The following SGCZ variants were observed in gnomAD, a reference collection of about 807,000 sequenced individuals.
SGCZ encodes the protein zeta-sarcoglycan.
A neutral mutation model predicts 41.3 loss-of-function variants in SGCZ; 40 were observed. The ratio of observed to expected loss-of-function variants is 0.97; its 90% CI spans 0.75 to 1.26. SGCZ has a LOEUF of 1.26. Ranked by LOEUF, SGCZ falls within the 50% of genes most tolerant of loss-of-function variation. The pLI is 0.00. For missense variants in SGCZ, 552 were observed against 369.8 expected, an observed-to-expected ratio of 1.49 and a Z score of -4.04; for synonymous variants, 206 against 137.5, an observed-to-expected ratio of 1.50 and a Z score of -3.49.
intron 2 of SGCZ, among the ~76,000 whole-genome samples, chr8:14,432,914 C>CAAAAA (rs767979164): frequency 2.6e-5 from 2 of 75,632 alleles, no homozygotes; most frequent in African/African-American, 6.2e-5. Flanking sequence ...ACTGTGTCTC[C>CAAAAA]AAAAAAAAAA....
rs373288149 is a variant in SGCZ, at chr8:15,196,188, C to T, written c.39+41397G>A. ...CTGGGATTACAGGCGTGAGCCACCG[C>T]GCCCGGCCAGGCTTCGATTTTTTAA... On this transcript the variant is annotated intron_variant, in intron 1 of 7. Transcript: ENST00000382080. 2.0e-4 allele frequency among the ~76,000 whole-genome samples: 27 copies of T among 134,158 alleles called. 2 individuals carry two copies. Among genetic ancestry groups the T allele is most frequent in the Admixed American group, 1.2e-3 (16 of 13,642 alleles). The allele number at this position is 134,158 out of a possible 152,430, so 88.0% of individuals were successfully genotyped here. A position where few individuals can be genotyped will look rare whatever the true frequency, so the allele number is the denominator to read the frequency against.
rs141565938 is a variant in SGCZ at position 14,302,844 on chromosome 8, G to A, written c.336+21259C>T. ...GTATCCTAAATACAATTCTGATGAC[G>A]TCACTTAAATGCTCAAAAGAGGGCT... is the stretch of plus-strand genomic sequence containing the variant. On this transcript the variant is annotated intron_variant, in intron 3 of 7. Coordinates refer to ENST00000382080, the MANE Select transcript of SGCZ (RefSeq NM_139167.4). 1.7e-4 allele frequency among the ~76,000 whole-genome samples: 26 copies of A among 152,212 alleles called. No homozygotes were observed. In the East Asian group the frequency reaches 3.7e-3, roughly 21 times the overall value.
rs532433734 is a variant in SGCZ at position 14,296,427 on chromosome 8, A to G, written c.336+27676T>C. 2.0e-5 allele frequency among the ~76,000 whole-genome samples: 3 copies of G among 152,334 alleles called. No homozygotes were observed. The East Asian group carries it at 5.8e-4, about 29-fold the overall frequency. On this transcript the variant is annotated intron_variant, in intron 3 of 7. Transcript: ENST00000382080. ...GGTTTGGATTTATATGAAGGATTAAAGTATGTCACATTTAGTAAATATTTG... is the reference window on the plus strand; with the variant it reads ...GGTTTGGATTTATATGAAGGATTAAGGTATGTCACATTTAGTAAATATTTG...
At chr8:14,887,606 A>C (rs905780700) in intron 1 of SGCZ, among the ~76,000 whole-genome samples, 1 of 152,206 alleles carries the variant, frequency 6.6e-6, no homozygotes, top group Non-Finnish European at 1.5e-5. Flanking sequence ...ATAAACACAC[A>C]TACACAATCA....
At chr8:14,261,040 A>G (rs1301654122) in intron 3 of SGCZ, among the ~76,000 whole-genome samples, 1 of 152,194 alleles carries the variant, frequency 6.6e-6, no homozygotes, top group Non-Finnish European at 1.5e-5. Context: ...TGGCACATGT[A>G]TACGTATGTA....
chr8:14,284,297 G>A (rs969918234), intron 3 of SGCZ, among the ~76,000 whole-genome samples: 1 of 152,210 alleles, frequency 6.6e-6, no homozygotes, highest in Non-Finnish European at 1.5e-5. Context: ...GGAGGCTGAG[G>A]TGGGAGGATG....
chr8:14,505,949 C>T (rs1475130357), intron 2 of SGCZ, among the ~76,000 whole-genome samples: 1 of 152,144 alleles, frequency 6.6e-6, no homozygotes, highest in African/African-American at 2.4e-5. Flanking sequence ...GACATTTACT[C>T]TCTCATGTGC....
At chr8:14,379,783 G>A (rs1335229738) in intron 2 of SGCZ, among the ~76,000 whole-genome samples, 2 of 152,096 alleles carry the variant, frequency 1.3e-5, no homozygotes, top group Non-Finnish European at 2.9e-5. Flanking sequence ...CCAGGCTGGA[G>A]TACAGTGGCT....
chr8:14,453,057 G>C (rs1184083754), intron 2 of SGCZ, among the ~76,000 whole-genome samples: 1 of 152,132 alleles, frequency 6.6e-6, no homozygotes, highest in East Asian at 1.9e-4. Context: ...GAGCCGAGAT[G>C]AGATGGTACC....
chr8:14,133,379 T>C (rs180780394), intron 5 of SGCZ, among the ~76,000 whole-genome samples: 19 of 152,316 alleles, frequency 1.2e-4, no homozygotes, highest in Admixed American at 9.2e-4. Context: ...TTTGAGCAAT[T>C]CCATTCCATT....
At chr8:14,526,609 A>C (rs558858416) in intron 2 of SGCZ, among the ~76,000 whole-genome samples, 3 of 152,136 alleles carry the variant, frequency 2.0e-5, no homozygotes, top group African/African-American at 7.2e-5. Context: ...ATACATATCT[A>C]TTTTTCATGT....
rs539191783 is a variant in SGCZ at position 15,148,902 on chromosome 8, C to T, written c.39+88683G>A. ...AGTCGACAAAAGACTGACTGAAAGG[C>T]CAAAGAAAAGCAAGAACAGGGAATA... On this transcript the variant is annotated intron_variant, in intron 1 of 7. Coordinates refer to ENST00000382080, the MANE Select transcript of SGCZ (RefSeq NM_139167.4). Among the ~76,000 whole-genome samples, 8 of 152,244 alleles carry T rather than the reference C, an allele frequency of 5.3e-5. No homozygotes were observed. In the South Asian group the frequency reaches 1.7e-3, roughly 32 times the overall value.
intron 1 of SGCZ, among the ~76,000 whole-genome samples, chr8:15,211,688 G>A (rs1036283771): frequency 1.3e-5 from 2 of 151,972 alleles, no homozygotes; most frequent in Non-Finnish European, 2.9e-5. Context: ...ATTATCGCCC[G>A]CCTATGAATG....
At chr8:15,152,385 C>T (rs1799202941) in intron 1 of SGCZ, among the ~76,000 whole-genome samples, 1 of 152,178 alleles carries the variant, frequency 6.6e-6, no homozygotes, top group Non-Finnish European at 1.5e-5. Flanking sequence ...TGCTCGAGTA[C>T]AGTACGTGGA....
chr8:15,177,406 T>C (rs907843687), intron 1 of SGCZ, among the ~76,000 whole-genome samples: 8 of 152,200 alleles, frequency 5.3e-5, no homozygotes, highest in African/African-American at 1.4e-4. Context: ...TCAATGGATA[T>C]GGCATGGCCA....
chr8:14,927,265 C>T (rs553999756), intron 1 of SGCZ, among the ~76,000 whole-genome samples: 1 of 151,852 alleles, frequency 6.6e-6, no homozygotes, highest in Non-Finnish European at 1.5e-5. Context: ...TCCGCCACCA[C>T]GCCCGCCTAA....
chr8:14,345,926 A>T (rs1239162626), intron 2 of SGCZ, among the ~76,000 whole-genome samples: 1 of 152,092 alleles, frequency 6.6e-6, no homozygotes, highest in African/African-American at 2.4e-5. Context: ...AATTCAGGGT[A>T]GGGAGGAAGG....
chr8:14,151,056 A>C (rs555922316), intron 5 of SGCZ, among the ~76,000 whole-genome samples: 1 of 152,140 alleles, frequency 6.6e-6, no homozygotes. Context: ...GTGAGGTGGG[A>C]ATGGTTATTG....
intron 1 of SGCZ, among the ~76,000 whole-genome samples, chr8:14,976,844 T>A (rs536379278): frequency 6.6e-6 from 1 of 152,324 alleles, no homozygotes; most frequent in East Asian, 1.9e-4. Flanking sequence ...AAAGTGTAGA[T>A]AGGCCAAGTT....
Sources: gnomAD v4.1 joint callset for allele counts (sites outside exome capture counted in the v4.1 genomes callset) on GRCh38, gnomAD v4.1.1 for gene constraint, MANE v1.5 for transcripts, NCBI Gene and HGNC (gene_info 2026-07-23, HGNC 2026-07-21) for gene names.